RPH3A: variants seen among roughly 807,000 people sequenced by gnomAD.
RPH3A encodes rabphilin-3A.
Under a neutral mutation model 102.2 loss-of-function variants are expected in RPH3A, and 48 were observed. The observed-to-expected ratio is 0.47, with a 90% CI of 0.37 to 0.60. The LOEUF (loss-of-function observed/expected upper bound fraction) is 0.60, where lower values mean the gene tolerates loss of function less well. Among genes scored for constraint, RPH3A ranks in the 20% least tolerant of loss-of-function variants. RPH3A has a pLI of 0.00. For missense variants in RPH3A, 781 were observed against 910.1 expected, an observed-to-expected ratio of 0.86 and a Z score of 1.83; for synonymous variants, 310 against 324.3, an observed-to-expected ratio of 0.96 and a Z score of 0.47.
intron 3 of RPH3A, among the ~76,000 whole-genome samples, chr12:112,832,600 G>A (rs1229282907): frequency 2.0e-5 from 3 of 152,260 alleles, no homozygotes; most frequent in Middle Eastern, 6.8e-3. Flanking sequence ...ACAGCAATTT[G>A]GGAGGCCAAG....
Position 112,718,483 on chromosome 12 carries a change from G to C in RPH3A, c.-139-73660G>C, listed in dbSNP as rs188163893. Among the ~76,000 whole-genome samples the C allele has an allele frequency of 2.8e-3, 432 of 152,270 alleles. 2 individuals are homozygous for C. Among genetic ancestry groups the C allele is most frequent in the African/African-American group, 9.7e-3 (403 of 41,560 alleles). ...GGGGGTGGGTGTGGGGTGCAAATCA[G>C]AGCTGTCAAAATTACTTGTGATGAG... On this transcript the variant is annotated intron_variant, in intron 1 of 21. Transcript: ENST00000543106.
intron 5 of RPH3A, among the ~76,000 whole-genome samples, chr12:112,848,719 G>A (rs937625571): frequency 6.6e-6 from 1 of 152,114 alleles, no homozygotes; most frequent in Non-Finnish European, 1.5e-5. Flanking sequence ...TTATAAGAAG[G>A]ATGTGTGAAG....
intron 1 of RPH3A, among the ~76,000 whole-genome samples, chr12:112,743,685 T>C (rs2040725338): frequency 1.3e-5 from 2 of 152,066 alleles, no homozygotes; most frequent in African/African-American, 4.8e-5. Context: ...TAGGGTTTTT[T>C]TTTCCCCCCA....
intron 16 of RPH3A, among the ~76,000 whole-genome samples, chr12:112,887,060 A>G (rs1477032503): frequency 1.3e-5 from 2 of 152,236 alleles, no homozygotes; most frequent in African/African-American, 2.4e-5. Flanking sequence ...TGGTAGGGAC[A>G]TAATTGGTGG....
At chr12:112,834,289 A>T (rs983171499) in intron 3 of RPH3A, among the ~76,000 whole-genome samples, 8 of 152,222 alleles carry the variant, frequency 5.3e-5, no homozygotes, top group Non-Finnish European at 8.8e-5. Flanking sequence ...AGATCCAATC[A>T]TATTGTTTTG....
At chr12:112,602,411 G>A (rs960037391) in intron 1 of RPH3A, among the ~76,000 whole-genome samples, 3 of 152,110 alleles carry the variant, frequency 2.0e-5, no homozygotes, top group Non-Finnish European at 4.4e-5. Flanking sequence ...ATCCATCTGC[G>A]TTTTAATTAC....
chr12:112,832,715 T>C (rs2041989833), intron 3 of RPH3A, among the ~76,000 whole-genome samples: 1 of 152,190 alleles, frequency 6.6e-6, no homozygotes, highest in Admixed American at 6.5e-5. Context: ...TTGTGGTGCA[T>C]GCCTGTGTTC....
rs371123524 is a variant in RPH3A at position 112,768,578 on chromosome 12, AAAC to A, written c.-139-23563_-139-23561del. On this transcript the variant is annotated intron_variant, in intron 1 of 21. Coordinates refer to the RPH3A transcript ENST00000543106. The stretch of plus-strand genomic sequence containing the variant: ...TTTTGCCTCCTTCAGGTGTTTGCTC[AAAC>A]ATCATCTCATTGAGACTTTCCCTGA... Among the ~76,000 whole-genome samples, 921 of 152,294 alleles carry A rather than the reference AAAC, an allele frequency of 6.0e-3. 7 individuals carry two copies. Among genetic ancestry groups the A allele is most frequent in the African/African-American group, 0.021 (883 of 41,540 alleles).
In RPH3A at chr12:112,831,277, C is replaced by T. The variant is rs961730379; in HGVS notation, c.71+2888C>T. Among the ~76,000 whole-genome samples, 2 of 151,740 alleles carry T rather than the reference C, an allele frequency of 1.3e-5. 1 individual carries two copies. The highest frequency in any genetic ancestry group is 1.3e-4 in the Admixed American group (2 of 15,232). ...TATTTTTATTAATTGGTTAATTGGG[C>T]TTGGGGGTTTACAAATTCCATTTTT... is the stretch of plus-strand genomic sequence containing the variant. On this transcript the variant is annotated intron_variant, in intron 3 of 21. Coordinates refer to ENST00000389385, the MANE Select transcript of RPH3A (RefSeq NM_001143854.2).
intron 1 of RPH3A, among the ~76,000 whole-genome samples, chr12:112,785,693 G>A (rs2041044393): frequency 6.6e-6 from 1 of 152,178 alleles, no homozygotes; most frequent in Admixed American, 6.5e-5. Flanking sequence ...TTTGCAGACA[G>A]AGAACCTGAG....
chr12:112,889,910 C>A (rs1948377110), intron 17 of RPH3A, 114 bp from the exon 18 acceptor site: 1 of 936,416 alleles, frequency 1.1e-6, no homozygotes, highest in South Asian at 1.5e-5. Flanking sequence ...AGCTTAAGAA[C>A]CCACTTTCAT....
intron 1 of RPH3A, among the ~76,000 whole-genome samples, chr12:112,623,165 AC>A (rs1333117410): frequency 2.8e-5 from 4 of 144,668 alleles, no homozygotes; most frequent in African/African-American, 1.0e-4. Context: ...GAGCAAAATA[AC>A]CAGCTAACAT....
At chr12:112,597,401 G>A (rs1472561038) in intron 1 of RPH3A, among the ~76,000 whole-genome samples, 2 of 152,006 alleles carry the variant, frequency 1.3e-5, no homozygotes, top group African/African-American at 2.4e-5. Flanking sequence ...CGGGCAACAT[G>A]GTAAAACCCC....
At chr12:112,892,386 G>T (rs2043112334) in intron 19 of RPH3A, among the ~76,000 whole-genome samples, 1 of 152,202 alleles carries the variant, frequency 6.6e-6, no homozygotes, top group African/African-American at 2.4e-5. Context: ...CTTGCTACAG[G>T]TATGACCCCT....
At chr12:112,632,026 G>A (rs1448577499) in intron 1 of RPH3A, among the ~76,000 whole-genome samples, 2 of 152,136 alleles carry the variant, frequency 1.3e-5, no homozygotes, top group African/African-American at 4.8e-5. Flanking sequence ...AACCTGGTGG[G>A]AGATGATTGA....
chr12:112,800,609 C>T (rs1244030932), intron 2 of RPH3A, among the ~76,000 whole-genome samples: 2 of 151,946 alleles, frequency 1.3e-5, no homozygotes, highest in East Asian at 3.9e-4. Flanking sequence ...GCCAGGGGAC[C>T]AGTGAGGGGA....
chr12:112,728,367 T>C (rs770564190), intron 1 of RPH3A, among the ~76,000 whole-genome samples: 1 of 151,302 alleles, frequency 6.6e-6, no homozygotes, highest in Non-Finnish European at 1.5e-5. Context: ...TAAGCTTCTA[T>C]TTTTTTTTCC....
intron 1 of RPH3A, among the ~76,000 whole-genome samples, chr12:112,592,459 C>T (rs948767216): frequency 4.6e-5 from 7 of 152,024 alleles, no homozygotes; most frequent in African/African-American, 1.2e-4. Context: ...GCTGGGATTA[C>T]GGGCACACGC....
chr12:112,751,168 ATAC>A (rs1198105461), intron 1 of RPH3A, among the ~76,000 whole-genome samples: 11 of 152,350 alleles, frequency 7.2e-5, no homozygotes, highest in Non-Finnish European at 1.6e-4. Context: ...TTGTAACTGC[ATAC>A]TCACTACATG....
Sources: allele counts gnomAD v4.1 joint callset (sites outside exome capture counted in the v4.1 genomes callset), GRCh38; gene constraint gnomAD v4.1.1; transcripts MANE v1.5; gene names NCBI Gene and HGNC (gene_info 2026-07-23, HGNC 2026-07-21).